The following ETFA variants were observed in gnomAD, a reference collection of about 807,000 sequenced individuals.
ETFA encodes the protein electron transfer flavoprotein subunit alpha, mitochondrial.
A neutral mutation model predicts 46.2 loss-of-function variants in ETFA; 22 were observed. The observed-to-expected ratio is 0.48, with a 90% confidence interval of 0.34 to 0.68. ETFA has a LOEUF of 0.68. Among genes scored for constraint, ETFA ranks in the 30% least tolerant of loss-of-function variants. The pLI is 0.01. For synonymous variants in ETFA, 131 were observed against 139.9 expected, an observed-to-expected ratio of 0.94 and a Z score of 0.45; for missense variants, 345 against 401.1, an observed-to-expected ratio of 0.86 and a Z score of 1.19.
chr15:76,249,673 C>T (rs367937358), intron 9 of ETFA, among the ~76,000 whole-genome samples: 2 of 147,964 alleles, frequency 1.4e-5, no homozygotes, highest in South Asian at 2.2e-4. Context: ...AATCTCCTGA[C>T]CTTGTGATCC....
At chr15:76,239,401 C>G (rs1346185106) in intron 9 of ETFA, among the ~76,000 whole-genome samples, 1 of 152,186 alleles carries the variant, frequency 6.6e-6, no homozygotes, top group Non-Finnish European at 1.5e-5. Flanking sequence ...GGTGAGAACA[C>G]TTAAAATTTA....
intron 1 of ETFA, among the ~76,000 whole-genome samples, 199 bp from the exon 2 acceptor site, chr15:76,295,936 C>CCTTTTTTTTTTTTTTTTTTTTTTTTT (rs2039816100): frequency 2.1e-5 from 1 of 46,602 alleles, no homozygotes; most frequent in Non-Finnish European, 4.2e-5. Flanking sequence ...CACTAATATT[C>CCTTTTTTTTTTTTTTTTTTTTTTTTT]TTTTTTTTTT....
At chr15:76,290,084 G>A (rs190158613) in intron 4 of ETFA, among the ~76,000 whole-genome samples, 80 of 152,274 alleles carry the variant, frequency 5.3e-4, no homozygotes, top group Middle Eastern at 6.8e-3. Context: ...ATACTACCAA[G>A]TGTTGACAAT....
chr15:76,298,676 T>C (rs2039851176), intron 1 of ETFA, among the ~76,000 whole-genome samples: 1 of 152,200 alleles, frequency 6.6e-6, no homozygotes, highest in Admixed American at 6.5e-5. Flanking sequence ...CTCCACAGTT[T>C]GAGTTCCTAA....
chr15:76,259,725 C>T lies in ETFA; in HGVS notation c.816+14687G>A, dbSNP rs963519451. 14 of 1,470,660 alleles carry T rather than the reference C, an allele frequency of 9.5e-6. No individual in the cohort carries two copies. In the Admixed American group the frequency reaches 2.0e-4, roughly 21 times the overall value. 91.1% of individuals were successfully genotyped at this position (1,470,660 alleles called of 1,614,324 possible). A position where few individuals can be genotyped will look rare whatever the true frequency, so the allele number is the denominator to read the frequency against. On this transcript the variant is annotated intron_variant, in intron 9 of 11. Transcript: ENST00000557943. ...GCCACACACACGGTCATGTCCCCTGCCAGCATGCAGTTCCGAGCGGCCAGG... is the reference window on the plus strand; with the variant it reads ...GCCACACACACGGTCATGTCCCCTGTCAGCATGCAGTTCCGAGCGGCCAGG...
At chr15:76,226,355 C>T (rs1033146274) in intron 10 of ETFA, 19 of 184,764 alleles carry the variant, frequency 1.0e-4, no homozygotes, top group African/African-American at 4.4e-4. Flanking sequence ...GAGGCCAAGA[C>T]GGGTGAATCA....
rs75720561 is a variant in ETFA, at chr15:76,219,289, T to C, written c.964-2692A>G. Among the ~76,000 whole-genome samples, 8 of 152,254 alleles carry C rather than the reference T, an allele frequency of 5.3e-5. No individual in the cohort carries two copies. The East Asian group carries it at 1.4e-3, about 26-fold the overall frequency. The stretch of plus-strand genomic sequence containing the variant: ...GATAATCACATGCCAAAGAATGAAG[T>C]TGGACTCCTACCTCACACCATATAC... On this transcript the variant is annotated intron_variant, in intron 11 of 11. Coordinates refer to ENST00000557943, the MANE Select transcript of ETFA (RefSeq NM_000126.4).
rs756288459 is a variant in ETFA, at chr15:76,287,834, T to C, written c.451+12A>G. 28 of 1,525,294 alleles carry C rather than the reference T, an allele frequency of 1.8e-5. No individual in the cohort carries two copies. Among genetic ancestry groups the C allele is most frequent in the Admixed American group, 5.0e-5 (3 of 59,886 alleles). The allele number at this position is 1,525,294 out of a possible 1,614,324, so 94.5% of individuals were successfully genotyped here. ...TTAACATGTTGATTAATTATCTTCC[T>C]TGAGTACTCACCTGCATAAATAGTT... On this transcript the variant is annotated intron_variant, in intron 5 of 11. Coordinates refer to ENST00000557943, the MANE Select transcript of ETFA (RefSeq NM_000126.4).
intron 11 of ETFA, among the ~76,000 whole-genome samples, chr15:76,224,770 T>C (rs1349675668): frequency 6.6e-6 from 1 of 152,172 alleles, no homozygotes; most frequent in Non-Finnish European, 1.5e-5. Context: ...GAGTGTCAAT[T>C]CCTGCATAAG....
intron 8 of ETFA, among the ~76,000 whole-genome samples, chr15:76,278,285 G>A (rs1311868128): frequency 1.6e-4 from 25 of 152,076 alleles, no homozygotes; most frequent in Admixed American, 1.6e-3. Flanking sequence ...CCTCTTTCCA[G>A]CAGACATTCA....
At chr15:76,225,068 G>A (rs2038991148) in intron 11 of ETFA, among the ~76,000 whole-genome samples, 1 of 152,088 alleles carries the variant, frequency 6.6e-6, no homozygotes, top group African/African-American at 2.4e-5. Flanking sequence ...CACAAACACA[G>A]CAAGCAGAGC....
Position 76,290,276 on chromosome 15 carries a change from C to T in ETFA, c.351+2155G>A, listed in dbSNP as rs4082688. On this transcript the variant is annotated intron_variant, in intron 4 of 11. Transcript: ENST00000557943. ...ACCAAGTTAACTGTCCTTAGCTAAA[C>T]ATGGAATCTTATGCAGCCATAAAAA... 4.7e-3 allele frequency among the ~76,000 whole-genome samples: 682 copies of T among 146,336 alleles called. 6 individuals are homozygous for T. The highest frequency in any genetic ancestry group is 0.016 in the African/African-American group (646 of 40,076).
chr15:76,285,809 G>C, intron 6 of ETFA, 71 bp from the exon 7 acceptor site: 1 of 984,800 alleles, frequency 1.0e-6, no homozygotes, highest in Non-Finnish European at 1.6e-6. Flanking sequence ...ATTTTCAAGA[G>C]AAACACACAA....
chr15:76,256,869 T>C (rs1371519751), intron 9 of ETFA, among the ~76,000 whole-genome samples: 1 of 152,192 alleles, frequency 6.6e-6, no homozygotes, highest in Admixed American at 6.5e-5. Flanking sequence ...GTCTACAGTA[T>C]TGAGTACAGT....
At chr15:76,235,242 C>A (rs916682613) in intron 9 of ETFA, among the ~76,000 whole-genome samples, 8 of 152,168 alleles carry the variant, frequency 5.3e-5, no homozygotes, top group Admixed American at 5.2e-4. Flanking sequence ...GAGGTTTATT[C>A]AAATATTGAT....
At chr15:76,291,508 TG>T (rs1377782563) in intron 4 of ETFA, among the ~76,000 whole-genome samples, 2 of 149,360 alleles carry the variant, frequency 1.3e-5, no homozygotes, top group African/African-American at 2.5e-5. Context: ...CCCAGTACTT[TG>T]GGGGGCCGAG....
At chr15:76,295,933 A>ATTTTTTTTTTTTTTTTTTTTTT (rs1555459250) in intron 1 of ETFA, among the ~76,000 whole-genome samples, 196 bp from the exon 2 acceptor site, 4 of 58,506 alleles carry the variant, frequency 6.8e-5, no homozygotes, top group Admixed American at 2.3e-4. Flanking sequence ...TACCACTAAT[A>ATTTTTTTTTTTTTTTTTTTTTT]TTCTTTTTTT....
chr15:76,233,227 G>A (rs2039087531), intron 9 of ETFA, among the ~76,000 whole-genome samples: 1 of 151,788 alleles, frequency 6.6e-6, no homozygotes, highest in Non-Finnish European at 1.5e-5. Context: ...AATGCAAGGA[G>A]GCCCTGACAT....
chr15:76,310,405 C>T (rs1263760376), intron 1 of ETFA, among the ~76,000 whole-genome samples: 1 of 122,350 alleles, frequency 8.2e-6, no homozygotes, highest in African/African-American at 3.2e-5. Flanking sequence ...AGAAAAGGTA[C>T]AAACCATCAG....
Sources: allele counts gnomAD v4.1 joint callset (sites outside exome capture counted in the v4.1 genomes callset), GRCh38; gene constraint gnomAD v4.1.1; transcripts MANE v1.5; gene names NCBI Gene and HGNC (gene_info 2026-07-23, HGNC 2026-07-21).